CLSTN1: variants seen among roughly 807,000 people sequenced by gnomAD.
CLSTN1 encodes calsyntenin 1, also known as calsyntenin-1.
Under a neutral mutation model 108.3 loss-of-function variants are expected in CLSTN1, and 28 were observed. The observed-to-expected ratio is 0.26, with a 90% CI of 0.19 to 0.35. The LOEUF (loss-of-function observed/expected upper bound fraction) is 0.35, where lower values mean the gene tolerates loss of function less well. CLSTN1 is among the 10% of genes least tolerant of loss of function. The pLI is 1.00. For synonymous variants in CLSTN1, 524 were observed against 534.9 expected (o/e 0.98, Z 0.28); for missense variants, 1,157 against 1,302.6 (o/e 0.89, Z 1.72).
intron 1 of CLSTN1, among the ~76,000 whole-genome samples, chr1:9,813,570 T>A (rs1010127340): frequency 4.6e-5 from 7 of 152,090 alleles, no homozygotes; most frequent in Admixed American, 1.3e-4. Flanking sequence ...CCCCACAGTT[T>A]GTTTTGCATT....
intron 7 of CLSTN1, among the ~76,000 whole-genome samples, chr1:9,745,626 C>T (rs1320221185): frequency 6.6e-6 from 1 of 152,074 alleles, no homozygotes; most frequent in African/African-American, 2.4e-5. Flanking sequence ...CACTATACTC[C>T]AGCCTGGGCG....
chr1:9,730,648 TTTCCTC>T lies in CLSTN1; in HGVS notation c.2800_2805del (p.Glu934_Glu935del), dbSNP rs551074326. ...TCATCCTCTTCTTCGCCGTCCTCGC[TTTCCTC>T]TTCCTCTTCCTCTTCCTCCTCCTCC... On this transcript the variant is annotated inframe_deletion, in exon 19 of 19. Coordinates refer to ENST00000377298, the MANE Select transcript of CLSTN1 (RefSeq NM_001009566.3). This position sits in a 1 kb window ranked among gnomAD's most constrained non-coding sequence, Gnocchi z 5.6. 6.7e-4 allele frequency: 1,072 copies of T among 1,610,436 alleles called. 1 individual carries two copies. The highest frequency in any genetic ancestry group is 2.8e-3 in the Admixed American group (169 of 59,994).
At chr1:9,784,011 A>C (rs981089444) in intron 1 of CLSTN1, among the ~76,000 whole-genome samples, 9 of 151,406 alleles carry the variant, frequency 5.9e-5, no homozygotes, top group Non-Finnish European at 1.0e-4. Flanking sequence ...AATAATAATA[A>C]TAATACAAAA....
intron 2 of CLSTN1, among the ~76,000 whole-genome samples, chr1:9,773,051 CAATTA>C (rs772994453): frequency 6.6e-6 from 1 of 152,088 alleles, no homozygotes; most frequent in Non-Finnish European, 1.5e-5. Context: ...AAAAATTATG[CAATTA>C]AATTAAACAG....
intron 2 of CLSTN1, among the ~76,000 whole-genome samples, chr1:9,764,106 A>AGAGAG (rs1652209394): frequency 8.3e-6 from 1 of 120,778 alleles, no homozygotes; most frequent in African/African-American, 3.6e-5. Flanking sequence ...GGGAGAAAGA[A>AGAGAG]AGAGAGAGAG....
chr1:9,737,274 A>G (rs958052688), intron 11 of CLSTN1, among the ~76,000 whole-genome samples: 2 of 151,934 alleles, frequency 1.3e-5, no homozygotes, highest in Non-Finnish European at 2.9e-5. Flanking sequence ...GGGAAGTCCC[A>G]TGCATGCACT....
chr1:9,753,380 T>C (rs1248508159), intron 4 of CLSTN1, among the ~76,000 whole-genome samples: 1 of 152,144 alleles, frequency 6.6e-6, no homozygotes, highest in Non-Finnish European at 1.5e-5. Context: ...CTGTTCTATG[T>C]TGTCTTGTCC....
At chr1:9,767,314 G>A (rs1046708938) in intron 2 of CLSTN1, among the ~76,000 whole-genome samples, 5 of 152,142 alleles carry the variant, frequency 3.3e-5, no homozygotes, top group African/African-American at 1.2e-4. Context: ...AGGCCGAGGC[G>A]GGCAGACTGC....
chr1:9,751,074 C>T (rs184514545), intron 5 of CLSTN1, among the ~76,000 whole-genome samples: 11 of 151,380 alleles, frequency 7.3e-5, no homozygotes, highest in Non-Finnish European at 1.5e-4. Context: ...CAAAAAAAAA[C>T]CACAAAAACA....
At chr1:9,818,113 T>G (rs975256598) in intron 1 of CLSTN1, among the ~76,000 whole-genome samples, 1 of 151,598 alleles carries the variant, frequency 6.6e-6, no homozygotes, top group African/African-American at 2.4e-5. Flanking sequence ...GCTCAATCAG[T>G]TCTCCAGCCT....
intron 16 of CLSTN1, among the ~76,000 whole-genome samples, chr1:9,732,923 G>A (rs111284044): frequency 1.3e-5 from 2 of 152,348 alleles, no homozygotes; most frequent in African/African-American, 4.8e-5. Flanking sequence ...GGGCACAGTG[G>A]CTCACGCCTG....
chr1:9,756,368 A>G (rs933478603), intron 3 of CLSTN1, 113 bp downstream of exon 3: 1 of 809,102 alleles, frequency 1.2e-6, no homozygotes. Flanking sequence ...TAGGAGAATA[A>G]ATAAGGATAA....
Position 9,730,703 on chromosome 1 carries a change from G to A in CLSTN1, c.2751C>T (p.Thr917=), listed in dbSNP as rs745911696. 3 of 1,599,182 alleles carry A rather than the reference G, an allele frequency of 1.9e-6. No homozygotes were observed. Among genetic ancestry groups the A allele is most frequent in the South Asian group, 1.1e-5 (1 of 89,896 alleles). ...ALTITVNPME[T]YEDQHSSEEE... ...CCTCACTGCTGTGCTGGTCCTCATA[G>A]GTCTGGCAAGGAGAAGTGACGGCCA... Residue 917 remains threonine (T), a splice_region_variant and synonymous_variant, in exon 19 of 19, where the codon ACC becomes ACT. Coordinates refer to ENST00000377298, the MANE Select transcript of CLSTN1 (RefSeq NM_001009566.3). The surrounding 1 kb of genome is among the most constrained non-coding windows in gnomAD (Gnocchi z 5.6).
Position 9,747,840 on chromosome 1 carries a change from G to A in CLSTN1, c.985+1621C>T, listed in dbSNP as rs1651355800. Among the ~76,000 whole-genome samples, 5 of 152,082 alleles carry A rather than the reference G, an allele frequency of 3.3e-5. No homozygotes were observed. The Middle Eastern group carries it at 0.01, about 310-fold the overall frequency. ...GGGCGGATCACGAGGTCAGGAGATC[G>A]AGACCATCCTGGCTAACACGGTGAA... On this transcript the variant is annotated intron_variant, in intron 7 of 18. Coordinates refer to ENST00000377298, the MANE Select transcript of CLSTN1 (RefSeq NM_001009566.3).
chr1:9,766,584 C>T (rs975373210), intron 2 of CLSTN1, among the ~76,000 whole-genome samples: 7 of 152,190 alleles, frequency 4.6e-5, no homozygotes, highest in Non-Finnish European at 7.4e-5. Flanking sequence ...TGCTTGAACC[C>T]GGAAGGCAGA....
chr1:9,747,137 C>T (rs1651306442), intron 7 of CLSTN1, among the ~76,000 whole-genome samples: 1 of 144,846 alleles, frequency 6.9e-6, no homozygotes, highest in African/African-American at 2.6e-5. Context: ...TGAGATTGCG[C>T]CACTGCACTC....
chr1:9,735,152 T>C lies in CLSTN1; in HGVS notation c.1906A>G (p.Ile636Val). Residue 636 changes from isoleucine to valine, a missense_variant, in exon 14 of 19, where the codon ATT becomes GTT. Coordinates refer to ENST00000377298, the MANE Select transcript of CLSTN1 (RefSeq NM_001009566.3). ...TAGCCATCTACCGGGGGGACCGAAATGCAGGTGGCCTCGTTAAAACACCTG... is the reference window on the plus strand; with the variant it reads ...TAGCCATCTACCGGGGGGACCGAAACGCAGGTGGCCTCGTTAAAACACCTG... ...TIKCFNEATC[I>V]SVPPVDGYVM... 1 of 1,614,198 alleles carries C rather than the reference T, an allele frequency of 6.2e-7. No individual in the cohort carries two copies. Among genetic ancestry groups the C allele is most frequent in the East Asian group, 2.2e-5 (1 of 44,878 alleles).
intron 1 of CLSTN1, among the ~76,000 whole-genome samples, chr1:9,804,690 C>T (rs968971837): frequency 6.6e-6 from 1 of 152,090 alleles, no homozygotes; most frequent in East Asian, 1.9e-4. Flanking sequence ...ACAAAAAATA[C>T]AAAATTTCAG....
At chr1:9,752,753 T>C (rs893176690) in intron 4 of CLSTN1, among the ~76,000 whole-genome samples, 2 of 151,924 alleles carry the variant, frequency 1.3e-5, no homozygotes, top group Non-Finnish European at 2.9e-5. Context: ...TCCCAGCTGC[T>C]TGGGAGGCTG....
Sources: allele counts gnomAD v4.1 joint callset (sites outside exome capture counted in the v4.1 genomes callset), GRCh38; gene constraint gnomAD v4.1.1; non-coding constraint Gnocchi (gnomAD v3.1); transcripts MANE v1.5; gene names NCBI Gene and HGNC (gene_info 2026-07-23, HGNC 2026-07-21).